LAMA5: variants seen among roughly 807,000 people sequenced by gnomAD.
LAMA5 encodes laminin subunit alpha 5.
A neutral mutation model predicts 433.4 loss-of-function variants in LAMA5; 260 were observed. The ratio of observed to expected loss-of-function variants is 0.60; its 90% CI spans 0.54 to 0.66. LAMA5 has a LOEUF of 0.66. Ranked by LOEUF, LAMA5 falls within the 30% of genes least tolerant of loss-of-function variation. The probability of loss-of-function intolerance (pLI) is 0.00; values close to 1 mark genes in which losing one functional copy is unlikely to be tolerated. For missense variants in LAMA5, 5,378 were observed against 5,258.5 expected, an observed-to-expected ratio of 1.02 and a Z score of -0.70; for synonymous variants, 2,620 against 2,226.6, an observed-to-expected ratio of 1.18 and a Z score of -4.97.
intron 6 of LAMA5, among the ~76,000 whole-genome samples, chr20:62,351,410 C>T (rs1026037530): frequency 3.2e-4 from 48 of 152,292 alleles, no homozygotes; most frequent in African/African-American, 1.1e-3. Flanking sequence ...GGTGGGAAGG[C>T]CAGCTGGCCT....
intron 26 of LAMA5, 69 bp from the exon 27 acceptor site, chr20:62,332,786 C>G: frequency 6.4e-7 from 1 of 1,552,922 alleles, no homozygotes; most frequent in Non-Finnish European, 8.7e-7. Context: ...CCCTCCCACT[C>G]CAGCGCCTCC....
intron 46 of LAMA5, 28 bp downstream of exon 46, chr20:62,322,630 C>T: frequency 7.3e-7 from 1 of 1,370,560 alleles, no homozygotes. Context: ...GCCCCACCCA[C>T]CCAGCCCTGC....
rs762155124 is a variant in LAMA5, at chr20:62,323,636, G to A, written c.5884C>T (p.Leu1962=). 6 of 1,610,828 alleles carry A rather than the reference G, an allele frequency of 3.7e-6. No individual in the cohort carries two copies. Among genetic ancestry groups the A allele is most frequent in the African/African-American group, 2.7e-5 (2 of 74,896 alleles). ...APGFFGNPLV[L]GSSCQPCDCS... Reference sequence around the variant, plus strand: ...TCGCATGGCTGGCAGGAGCTGCCCAGCACCAGTGGGTTCCCAAAGAATCCG... The same window carrying A: ...TCGCATGGCTGGCAGGAGCTGCCCAACACCAGTGGGTTCCCAAAGAATCCG... Residue 1962 remains leucine, a synonymous_variant, in exon 45 of 80, where the codon CTG becomes TTG. Transcript: ENST00000252999.
chr20:62,313,237 C>T lies in LAMA5; in HGVS notation c.8806G>A (p.Gly2936Arg), dbSNP rs1482928396. Residue 2936 changes from glycine (G) to arginine (R), a missense_variant, in exon 65 of 80, where the codon GGG becomes AGG. Transcript: ENST00000252999. Reference sequence around the variant, plus strand: ...GAGCCGTCCGTGAGCCACGGGTCCCCGGTCGACTTGGAGCTGCAGGTCGGA... The same window carrying T: ...GAGCCGTCCGTGAGCCACGGGTCCCTGGTCGACTTGGAGCTGCAGGTCGGA... ...DRPCARSKST[G>R]DPWLTDGSYL... 7.1e-6 allele frequency: 9 copies of T among 1,271,282 alleles called. No homozygotes were observed. Among genetic ancestry groups the T allele is most frequent in the Admixed American group, 2.7e-5 (1 of 37,022 alleles). The allele number at this position is 1,271,282 out of a possible 1,614,324, so 78.8% of individuals were successfully genotyped here.
In LAMA5 at chr20:62,322,033, C is replaced by A; in HGVS notation, c.6482G>T (p.Ser2161Ile). ...TGAGGACACACCTTCACAGTGGATGCTGTGGCCCACAGGCCCGCCTGGAAC... is the reference window on the plus strand; with the variant it reads ...TGAGGACACACCTTCACAGTGGATGATGTGGCCCACAGGCCCGCCTGGAAC... ...VPVPGGPVGH[S>I]IHCEVCDHCV... Residue 2161 changes from serine to isoleucine, a missense_variant, in exon 48 of 80, where the codon AGC becomes ATC. By Grantham distance (142) the Ser-to-Ile change is moderately radical. Transcript: ENST00000252999. 6.3e-7 allele frequency: 1 copy of A among 1,598,830 alleles called. No homozygotes were observed. Among genetic ancestry groups the A allele is most frequent in the Non-Finnish European group, 8.5e-7 (1 of 1,179,408 alleles).
At chr20:62,355,832 G>A (rs951843774) in intron 2 of LAMA5, among the ~76,000 whole-genome samples, 3 of 151,984 alleles carry the variant, frequency 2.0e-5, no homozygotes, top group African/African-American at 4.8e-5. Flanking sequence ...GGAAGGACCC[G>A]CTAGAGGTGG....
intron 75 of LAMA5, 46 bp from the exon 76 acceptor site, chr20:62,310,618 A>G (rs1986146101): frequency 1.6e-5 from 26 of 1,584,602 alleles, no homozygotes; most frequent in Non-Finnish European, 2.1e-5. Context: ...GGCAGCTGAA[A>G]GGGAACAGTG....
intron 1 of LAMA5, among the ~76,000 whole-genome samples, chr20:62,364,711 G>T (rs1986529288): frequency 6.6e-6 from 1 of 152,206 alleles, no homozygotes; most frequent in African/African-American, 2.4e-5. Flanking sequence ...ACCTGGGGCT[G>T]TGAGGGCCAC....
In LAMA5 at chr20:62,346,219, G is replaced by A. The variant is rs774194710; in HGVS notation, c.1283-4C>T. On this transcript the variant is annotated splice_region_variant and splice_polypyrimidine_tract_variant and intron_variant, in intron 9 of 79. Coordinates refer to ENST00000252999, the MANE Select transcript of LAMA5 (RefSeq NM_005560.6). Reference sequence around the variant, plus strand: ...AAGTCGGACTCGCAGTTGCAGCCTGGGCAGGGGCAGGAGCCGGGTAAGCCT... The same window carrying A: ...AAGTCGGACTCGCAGTTGCAGCCTGAGCAGGGGCAGGAGCCGGGTAAGCCT... 3 of 1,610,090 alleles carry A rather than the reference G, an allele frequency of 1.9e-6. No individual in the cohort carries two copies. Among genetic ancestry groups the A allele is most frequent in the Non-Finnish European group, 2.5e-6 (3 of 1,178,814 alleles).
chr20:62,329,712 A>C, intron 32 of LAMA5, 65 bp downstream of exon 32: 3 of 1,571,016 alleles, frequency 1.9e-6, no homozygotes, highest in Non-Finnish European at 2.6e-6. Context: ...GCCCAAGTGT[A>C]CCACAGTGGT....
chr20:62,357,759 T>G (rs990044036), intron 2 of LAMA5, among the ~76,000 whole-genome samples: 6 of 152,264 alleles, frequency 3.9e-5, no homozygotes, highest in African/African-American at 1.4e-4. Flanking sequence ...ACAGGAAAAC[T>G]TCCAGGAGTG....
At chr20:62,329,956 A>G (rs1388356749) in intron 31 of LAMA5, 40 bp from the exon 32 acceptor site, 6 of 1,598,106 alleles carry the variant, frequency 3.8e-6, no homozygotes, top group Non-Finnish European at 4.3e-6. Flanking sequence ...CCCCATCTCT[A>G]GCGCCCCCAA....
At chr20:62,357,021 G>A (rs1222839867) in intron 2 of LAMA5, among the ~76,000 whole-genome samples, 2 of 152,184 alleles carry the variant, frequency 1.3e-5, no homozygotes, top group African/African-American at 4.8e-5. Flanking sequence ...GGGCTTTCGG[G>A]GACCCTGGGG....
intron 11 of LAMA5, chr20:62,342,153 A>G (rs1391052603): frequency 4.9e-6 from 1 of 202,988 alleles, no homozygotes; most frequent in African/African-American, 2.4e-5. Flanking sequence ...AATACAAAAA[A>G]TTGGCCAGGC....
At chr20:62,363,449 G>A (rs970169459) in intron 1 of LAMA5, among the ~76,000 whole-genome samples, 10 of 152,162 alleles carry the variant, frequency 6.6e-5, no homozygotes, top group South Asian at 2.1e-4. Flanking sequence ...ATCTGCTGGG[G>A]GCCTGTCCTG....
chr20:62,343,829 TA>T (rs1395036873), intron 11 of LAMA5, among the ~76,000 whole-genome samples: 1 of 117,008 alleles, frequency 8.5e-6, no homozygotes, highest in African/African-American at 3.1e-5. Flanking sequence ...GCTTACAGAG[TA>T]GTCAAAGTGC....
At position 62,330,263 on chromosome 20, in the gene LAMA5, G is replaced by A. The variant is rs113644465; in HGVS notation, c.3979+225C>T. ...TTCGCCACGTGCCATGGAGCACAACGGGGCTTCCCAACGCACGAGACAGAG... is the reference window on the plus strand; with the variant it reads ...TTCGCCACGTGCCATGGAGCACAACAGGGCTTCCCAACGCACGAGACAGAG... On this transcript the variant is annotated intron_variant, in intron 31 of 79. Coordinates refer to ENST00000252999, the MANE Select transcript of LAMA5 (RefSeq NM_005560.6). Among the ~76,000 whole-genome samples the A allele has an allele frequency of 4.3e-3, 656 of 152,380 alleles. 2 individuals carry two copies. The highest frequency in any genetic ancestry group is 6.1e-3 in the Non-Finnish European group (413 of 68,042).
At chr20:62,337,774 C>CT (rs1434877776) in intron 15 of LAMA5, 30 bp downstream of exon 15, 1 of 1,609,350 alleles carries the variant, frequency 6.2e-7, no homozygotes, top group African/African-American at 1.3e-5. Flanking sequence ...CTGCACCTGC[C>CT]TCCCCACCAC....
In LAMA5 at chr20:62,337,704, A is replaced by G. The variant is rs768355987; in HGVS notation, c.2050T>C (p.Ser684Pro). The G allele has an allele frequency of 6.2e-7, 1 of 1,610,714 alleles. No individual in the cohort carries two copies. ...CVPCHCSAEG[S>P]LHAACDPRSG... ...CGGGGGTCACAGGCTGCGTGCAGGG[A>G]GCCTTCAGCAGAGCAGTGGCAGGCT... The change falls in exon 16 of 80, where the codon TCC becomes CCC. Residue 684 changes from serine to proline, a missense_variant. Coordinates refer to ENST00000252999, the MANE Select transcript of LAMA5 (RefSeq NM_005560.6).
Sources: allele counts gnomAD v4.1 joint callset (sites outside exome capture counted in the v4.1 genomes callset), GRCh38; gene constraint gnomAD v4.1.1; transcripts MANE v1.5; gene names NCBI Gene and HGNC (gene_info 2026-07-23, HGNC 2026-07-21).